Variants in SYTL3 observed in about 807,000 individuals in gnomAD.
SYTL3 encodes the protein synaptotagmin like 3.
A neutral mutation model predicts 82.1 loss-of-function variants in SYTL3; 88 were observed. The ratio of observed to expected loss-of-function variants is 1.07; its 90% CI spans 0.90 to 1.28. The LOEUF (loss-of-function observed/expected upper bound fraction) is 1.28, where lower values mean the gene tolerates loss of function less well. Ranked by LOEUF, SYTL3 falls within the 50% of genes most tolerant of loss-of-function variation. The pLI, the probability that SYTL3 is intolerant of heterozygous loss-of-function variation, is 0.00. For missense variants in SYTL3, 831 were observed against 757.6 expected, an observed-to-expected ratio of 1.10 and a Z score of -1.14; for synonymous variants, 311 against 289.4, an observed-to-expected ratio of 1.07 and a Z score of -0.76.
chr6:158,743,715 G>A (rs1408757774), intron 11 of SYTL3, among the ~76,000 whole-genome samples: 1 of 150,576 alleles, frequency 6.6e-6, no homozygotes, highest in Non-Finnish European at 1.5e-5. Context: ...CAAAGTGCTG[G>A]GATTACAGGC....
At chr6:158,675,236 G>GT (rs1219087852) in intron 5 of SYTL3, among the ~76,000 whole-genome samples, 5 of 152,154 alleles carry the variant, frequency 3.3e-5, no homozygotes, top group Admixed American at 6.5e-5. Context: ...GCTTGTAGCT[G>GT]TGAATATAGC....
chr6:158,702,868 T>C (rs1388516764), intron 6 of SYTL3, among the ~76,000 whole-genome samples: 1 of 151,720 alleles, frequency 6.6e-6, no homozygotes, highest in East Asian at 1.9e-4. Context: ...ATTTATAAAA[T>C]TGGGGGCCTG....
At chr6:158,652,653 T>A (rs796498839) in intron 2 of SYTL3, among the ~76,000 whole-genome samples, 3 of 152,318 alleles carry the variant, frequency 2.0e-5, no homozygotes, top group African/African-American at 7.2e-5. Context: ...CAAACAATTC[T>A]GTCTCAGCTT....
intron 11 of SYTL3, among the ~76,000 whole-genome samples, chr6:158,738,085 A>AC (rs1475863509): frequency 6.6e-6 from 1 of 152,150 alleles, no homozygotes. Flanking sequence ...CTACCTGCAC[A>AC]CCAACAGCTG....
chr6:158,655,351 C>A (rs1788555943), intron 2 of SYTL3, among the ~76,000 whole-genome samples: 1 of 152,148 alleles, frequency 6.6e-6, no homozygotes, highest in South Asian at 2.1e-4. Context: ...GAGTAAATCT[C>A]CGTGTCGCAA....
At chr6:158,764,413 C>G (rs1398645714) in intron 17 of SYTL3, 82 bp from the exon 18 acceptor site, 12 of 1,072,668 alleles carry the variant, frequency 1.1e-5, no homozygotes, top group Non-Finnish European at 1.7e-5. Context: ...AAACTTCTGG[C>G]TGGTCATCAT....
At chr6:158,723,634 C>T (rs918362337) in intron 10 of SYTL3, among the ~76,000 whole-genome samples, 2 of 152,208 alleles carry the variant, frequency 1.3e-5, no homozygotes, top group African/African-American at 4.8e-5. Flanking sequence ...CACCACCATC[C>T]ATCTCCAGGA....
chr6:158,732,766 C>A (rs913133001), intron 11 of SYTL3, among the ~76,000 whole-genome samples: 3 of 152,170 alleles, frequency 2.0e-5, no homozygotes, highest in Non-Finnish European at 4.4e-5. Context: ...TATTCATCTC[C>A]AAGTGAACGT....
Position 158,665,668 on chromosome 6 carries a change from C to G in SYTL3, c.329+55C>G, listed in dbSNP as rs534401132. On this transcript the variant is annotated intron_variant, in intron 5 of 17. Transcript: ENST00000611299. ...CACTGATTCAGGTCTCGGAGGAGGC[C>G]TCTTTACAAACCGCTCATAAAGAGA... is the stretch of plus-strand genomic sequence containing the variant. The G allele has an allele frequency of 4.4e-6, 6 of 1,376,140 alleles. No individual in the cohort carries two copies. In the African/African-American group the frequency reaches 5.8e-5, roughly 13 times the overall value. The allele number at this position is 1,376,140 out of a possible 1,614,324, so 85.2% of individuals were successfully genotyped here. A position where few individuals can be genotyped will look rare whatever the true frequency, so the allele number is the denominator to read the frequency against.
chr6:158,762,089 A>G lies in SYTL3; in HGVS notation c.1428A>G (p.Pro476=). ...CTTTCCTTCCAGGGACAGATCAGCC[A>G]TCACTTCATGGTCAACTTTGTTTGG... ...LQEAQEGTDQ[P]SLHGQLCLVV... The change falls in exon 16 of 18, where the codon CCA becomes CCG. Residue 476 remains proline (P), a synonymous_variant. Transcript: ENST00000611299. The G allele has an allele frequency of 6.2e-7, 1 of 1,613,886 alleles. No homozygotes were observed. Among genetic ancestry groups the G allele is most frequent in the South Asian group, 1.1e-5 (1 of 91,064 alleles).
chr6:158,762,045 G>GT, intron 15 of SYTL3, 31 bp from the exon 16 acceptor site: 1 of 1,531,568 alleles, frequency 6.5e-7, no homozygotes, highest in Non-Finnish European at 9.0e-7. Context: ...AGGAGACATG[G>GT]TTTGACAGTG....
intron 12 of SYTL3, among the ~76,000 whole-genome samples, chr6:158,748,141 G>GT (rs990491843): frequency 3.4e-5 from 5 of 148,502 alleles, no homozygotes; most frequent in African/African-American, 5.0e-5. Context: ...TCTATATATA[G>GT]TTTAAGGCAG....
chr6:158,750,891 G>A (rs1788301843), intron 12 of SYTL3, among the ~76,000 whole-genome samples: 1 of 152,118 alleles, frequency 6.6e-6, no homozygotes, highest in Admixed American at 6.6e-5. Context: ...CATCTCCCAG[G>A]TACAAGCGAT....
chr6:158,653,929 G>T (rs1362316277), intron 2 of SYTL3, among the ~76,000 whole-genome samples: 2 of 152,176 alleles, frequency 1.3e-5, no homozygotes, highest in Admixed American at 1.3e-4. Flanking sequence ...AGAAATAGGG[G>T]CCCCTAAGAA....
intron 10 of SYTL3, among the ~76,000 whole-genome samples, chr6:158,724,205 C>T (rs1784448453): frequency 2.0e-5 from 3 of 152,232 alleles, no homozygotes; most frequent in Non-Finnish European, 4.4e-5. Flanking sequence ...TTTCTTCTCT[C>T]TTCCTCCCCT....
Position 158,763,311 on chromosome 6 carries a change from ACT to A in SYTL3, c.1528_1529del (p.Leu510AlafsTer103), listed in dbSNP as rs765041288. 5.0e-6 allele frequency: 8 copies of A among 1,614,042 alleles called. No individual in the cohort carries two copies. Among genetic ancestry groups the A allele is most frequent in the Non-Finnish European group, 5.9e-6 (7 of 1,180,002 alleles). ...TTTGTGTTCCCTCTTCAGCTGTCTC[ACT>A]CTGCCAGACCAACAAAAACTGAGAC... ...TLNSFVKGCL[T>X]LPDQQKLRLK... On this transcript the variant is annotated frameshift_variant, in exon 17 of 18. Transcript: ENST00000611299. LOFTEE classifies it high-confidence loss of function.
intron 5 of SYTL3, among the ~76,000 whole-genome samples, chr6:158,671,951 A>G (rs988758512): frequency 1.3e-5 from 2 of 152,090 alleles, no homozygotes; most frequent in Non-Finnish European, 2.9e-5. Flanking sequence ...GGAGACCATG[A>G]TTTCCCAGTT....
intron 5 of SYTL3, among the ~76,000 whole-genome samples, chr6:158,677,705 C>CAAA (rs56865775): frequency 1.4e-3 from 95 of 67,986 alleles, no homozygotes; most frequent in Middle Eastern, 6.8e-3. Context: ...AACTCTGTCT[C>CAAA]AAAAAAAAAA....
At position 158,726,667 on chromosome 6, in the gene SYTL3, C is replaced by T. The variant is rs530969786; in HGVS notation, c.855+1030C>T. 4.5e-5 allele frequency: 13 copies of T among 288,286 alleles called. No homozygotes were observed. The East Asian group carries it at 1.3e-3, about 28-fold the overall frequency. 17.9% of individuals were successfully genotyped at this position (288,286 alleles called of 1,614,324 possible). ...TGCAAAGTAATGGGTCCAAAGAGAT[C>T]ACTGGCTGGCTGGAAGCCTTCGTTC... is the stretch of plus-strand genomic sequence containing the variant. On this transcript the variant is annotated intron_variant, in intron 11 of 17. Transcript: ENST00000611299.
Sources: gnomAD v4.1 joint callset for allele counts (sites outside exome capture counted in the v4.1 genomes callset) on GRCh38, gnomAD v4.1.1 for gene constraint, MANE v1.5 for transcripts, NCBI Gene and HGNC (gene_info 2026-07-23, HGNC 2026-07-21) for gene names.